The following TENM3 variants were observed in gnomAD, a reference collection of about 807,000 sequenced individuals.
TENM3 encodes the protein teneurin-3.
Under a neutral mutation model 255.1 loss-of-function variants are expected in TENM3, and 63 were observed. That is an observed-to-expected ratio of 0.25 (90% CI 0.20 to 0.30). The LOEUF (loss-of-function observed/expected upper bound fraction) is 0.30. TENM3 is among the 10% of genes least tolerant of loss of function. The pLI is 1.00. For synonymous variants in TENM3, 1,306 were observed against 1,322.3 expected (o/e 0.99, Z 0.27); for missense variants, 2,929 against 3,461.1 (o/e 0.85, Z 3.86).
chr4:181,615,943 C>A, the TENM3 span, among the ~76,000 whole-genome samples: 1 of 152,088 alleles, frequency 6.6e-6, no homozygotes, highest in South Asian at 2.1e-4. Context: ...ATTTTAAGTA[C>A]TTTTTAATAA....
chr4:181,884,937 T>A, the TENM3 span, among the ~76,000 whole-genome samples: 2 of 152,176 alleles, frequency 1.3e-5, no homozygotes, highest in African/African-American at 4.8e-5. Context: ...TTTATAAAAA[T>A]TTTTGGAAAT....
At chr4:181,876,754 G>C in the TENM3 span, among the ~76,000 whole-genome samples, 1 of 152,016 alleles carries the variant, frequency 6.6e-6, no homozygotes, top group African/African-American at 2.4e-5. Context: ...AAGAACATTA[G>C]ATATGCAAAG....
intron 22 of TENM3, among the ~76,000 whole-genome samples, chr4:182,758,771 C>G (rs572252983): frequency 5.3e-5 from 8 of 152,192 alleles, no homozygotes; most frequent in African/African-American, 1.9e-4. Context: ...AAAACCACAA[C>G]GAGATTGTGA....
the TENM3 span, among the ~76,000 whole-genome samples, chr4:181,577,409 G>T: frequency 6.6e-6 from 1 of 151,402 alleles, no homozygotes; most frequent in Non-Finnish European, 1.5e-5. Flanking sequence ...AAGAAGTCTA[G>T]GTTTGAGAAT....
chr4:182,518,954 G>T (rs1261718660), intron 3 of TENM3, among the ~76,000 whole-genome samples: 3 of 152,258 alleles, frequency 2.0e-5, no homozygotes, highest in South Asian at 4.2e-4. Context: ...TATACTGGAA[G>T]TTTTTTCTAA....
chr4:181,932,817 T>C, the TENM3 span, among the ~76,000 whole-genome samples: 1 of 152,262 alleles, frequency 6.6e-6, no homozygotes, highest in East Asian at 1.9e-4. Context: ...ATATACACCA[T>C]GGAATACTGT....
the TENM3 span, among the ~76,000 whole-genome samples, chr4:181,461,934 C>T: frequency 6.6e-6 from 1 of 150,826 alleles, no homozygotes; most frequent in Non-Finnish European, 1.5e-5. Context: ...AATTGAATGC[C>T]AGACATTATG....
chr4:181,901,678 C>T, the TENM3 span, among the ~76,000 whole-genome samples: 1 of 152,178 alleles, frequency 6.6e-6, no homozygotes, highest in Non-Finnish European at 1.5e-5. Context: ...ACACACATTT[C>T]CACTTTCTTT....
chr4:182,749,575 T>C (rs142721859), intron 19 of TENM3, among the ~76,000 whole-genome samples: 90 of 152,316 alleles, frequency 5.9e-4, no homozygotes, highest in Non-Finnish European at 1.1e-3. Flanking sequence ...CATATATAGT[T>C]CGTGTAATCC....
chr4:181,513,086 C>A, the TENM3 span, among the ~76,000 whole-genome samples: 1 of 152,006 alleles, frequency 6.6e-6, no homozygotes, highest in African/African-American at 2.4e-5. Flanking sequence ...AGGACATTCC[C>A]GTGGTTTACA....
At chr4:182,400,158 C>G (rs1485721130) in intron 3 of TENM3, among the ~76,000 whole-genome samples, 2 of 151,948 alleles carry the variant, frequency 1.3e-5, no homozygotes, top group Non-Finnish European at 2.9e-5. Flanking sequence ...TCATCTTGTT[C>G]CAATTTAATG....
intron 5 of TENM3, among the ~76,000 whole-genome samples, chr4:182,653,499 T>C (rs1753502713): frequency 6.6e-6 from 1 of 152,192 alleles, no homozygotes; most frequent in African/African-American, 2.4e-5. Context: ...TTAGAGCAAA[T>C]AATGATTGAT....
At chr4:182,319,148 C>T (rs1288139865) in intron 1 of TENM3, among the ~76,000 whole-genome samples, 2 of 152,158 alleles carry the variant, frequency 1.3e-5, no homozygotes, top group Non-Finnish European at 2.9e-5. Flanking sequence ...TTTTCAAAGG[C>T]TTTGCCCACT....
intron 3 of TENM3, among the ~76,000 whole-genome samples, chr4:182,430,331 G>A (rs1048402645): frequency 2.0e-5 from 3 of 151,726 alleles, no homozygotes; most frequent in East Asian, 2.0e-4. Context: ...GGCGGATCAC[G>A]AGGTCAGGAC....
At chr4:182,669,461 G>A (rs1026950927) in intron 6 of TENM3, among the ~76,000 whole-genome samples, 2 of 151,888 alleles carry the variant, frequency 1.3e-5, no homozygotes, top group African/African-American at 4.8e-5. Context: ...TAGTAGAGAC[G>A]GGGTTTCACT....
chr4:182,612,214 A>G (rs866920204), intron 4 of TENM3, among the ~76,000 whole-genome samples: 3 of 151,504 alleles, frequency 2.0e-5, no homozygotes, highest in South Asian at 2.1e-4. Context: ...GGAGGTTGCA[A>G]TGAGCCAAGA....
the TENM3 span, among the ~76,000 whole-genome samples, chr4:182,058,758 G>T: frequency 2.4e-4 from 36 of 152,038 alleles, no homozygotes; most frequent in African/African-American, 8.7e-4. Flanking sequence ...AATTATTTAA[G>T]GTTCTTAATC....
At chr4:182,791,058 G>T (rs1388032447) in intron 25 of TENM3, among the ~76,000 whole-genome samples, 1 of 152,162 alleles carries the variant, frequency 6.6e-6, no homozygotes, top group Non-Finnish European at 1.5e-5. Flanking sequence ...AGCAAAACAA[G>T]TAATATTTTA....
At chr4:181,689,658 C>A in the TENM3 span, among the ~76,000 whole-genome samples, 1 of 152,124 alleles carries the variant, frequency 6.6e-6, no homozygotes, top group East Asian at 1.9e-4. Context: ...ATTCACTCCC[C>A]TTGAGGACAT....
Sources: gnomAD v4.1 joint callset for allele counts (sites outside exome capture counted in the v4.1 genomes callset) on GRCh38, gnomAD v4.1.1 for gene constraint, MANE v1.5 for transcripts, NCBI Gene and HGNC (gene_info 2026-07-23, HGNC 2026-07-21) for gene names.